LDB2: variants seen among roughly 807,000 people sequenced by gnomAD.
LDB2 encodes the protein LIM domain binding 2.
A neutral mutation model predicts 44.3 loss-of-function variants in LDB2; 12 were observed. That is an observed-to-expected ratio of 0.27 (90% CI 0.17 to 0.44). The LOEUF (loss-of-function observed/expected upper bound fraction) is 0.44, where lower values mean the gene tolerates loss of function less well. Ranked by LOEUF, LDB2 falls within the 20% of genes least tolerant of loss-of-function variation. The pLI is 1.00. For missense variants in LDB2, 344 were observed against 473.5 expected, an observed-to-expected ratio of 0.73 and a Z score of 2.54; for synonymous variants, 164 against 174.8, an observed-to-expected ratio of 0.94 and a Z score of 0.49.
intron 2 of LDB2, among the ~76,000 whole-genome samples, chr4:16,676,035 ACATGAAGGCCTCTACTGGGAGAAGC>A (rs1746235686): frequency 6.6e-6 from 1 of 152,212 alleles, no homozygotes; most frequent in Admixed American, 6.5e-5. Context: ...TTTTATACCC[ACATGAAGGCCTCTACTGGGAGAAGC>A]CAGAGAAAAA....
In LDB2 at chr4:16,502,061, A is replaced by G. The variant is rs1717650141; in HGVS notation, c.*582T>C. 1 of 152,918 alleles carries G rather than the reference A, an allele frequency of 6.5e-6. No homozygotes were observed. Among genetic ancestry groups the G allele is most frequent in the South Asian group, 2.1e-4 (1 of 4,852 alleles). 9.5% of individuals were successfully genotyped at this position (152,918 alleles called of 1,614,324 possible). ...AACCAATTGACATCAGCTCAACCATAAATTACCTTGCTGGGCCCTCTTAGC... is the reference window on the plus strand; with the variant it reads ...AACCAATTGACATCAGCTCAACCATGAATTACCTTGCTGGGCCCTCTTAGC... On this transcript the variant is annotated 3_prime_UTR_variant, in exon 8 of 8. Coordinates refer to ENST00000304523, the MANE Select transcript of LDB2 (RefSeq NM_001290.5).
intron 5 of LDB2, among the ~76,000 whole-genome samples, chr4:16,567,765 G>A (rs534750439): frequency 3.9e-5 from 6 of 152,244 alleles, no homozygotes; most frequent in South Asian, 2.1e-4. Flanking sequence ...GCGAGACAAC[G>A]TCTCAAGAAC....
chr4:16,741,639 C>A (rs500560), intron 2 of LDB2: 2 of 152,050 alleles, frequency 1.3e-5, no homozygotes. Flanking sequence ...TGCAAAAACT[C>A]CAAGATGTAT....
intron 2 of LDB2, among the ~76,000 whole-genome samples, chr4:16,618,234 C>A: frequency 6.6e-6 from 1 of 152,232 alleles, no homozygotes; most frequent in East Asian, 1.9e-4. Context: ...TTCACTGGAC[C>A]GGGATAAGCC....
At chr4:16,525,901 C>T (rs1041026251) in intron 5 of LDB2, among the ~76,000 whole-genome samples, 1 of 152,096 alleles carries the variant, frequency 6.6e-6, no homozygotes, top group African/African-American at 2.4e-5. Flanking sequence ...TCTAATGGTT[C>T]GAAATTGTGA....
At chr4:16,894,155 G>C (rs1724232408) in intron 1 of LDB2, among the ~76,000 whole-genome samples, 1 of 152,112 alleles carries the variant, frequency 6.6e-6, no homozygotes, top group African/African-American at 2.4e-5. Flanking sequence ...CTATCTGACT[G>C]TATTGTGTGT....
intron 5 of LDB2, among the ~76,000 whole-genome samples, chr4:16,545,842 A>G (rs928956957): frequency 6.6e-5 from 10 of 152,300 alleles, no homozygotes; most frequent in Non-Finnish European, 1.2e-4. Context: ...CATTTCTAAC[A>G]TGCCCCTTCT....
chr4:16,705,116 T>C (rs192129846), intron 2 of LDB2, among the ~76,000 whole-genome samples: 106 of 151,090 alleles, frequency 7.0e-4, no homozygotes, highest in Middle Eastern at 3.4e-3. Context: ...CATAATCCTT[T>C]CATAGTTTAC....
chr4:16,654,301 T>C (rs1282646004), intron 2 of LDB2, among the ~76,000 whole-genome samples: 3 of 152,120 alleles, frequency 2.0e-5, no homozygotes, highest in Non-Finnish European at 2.9e-5. Flanking sequence ...TGTCTGTTGA[T>C]TTTTGCAGAA....
intron 2 of LDB2, among the ~76,000 whole-genome samples, chr4:16,618,142 G>T (rs1415286382): frequency 6.6e-6 from 1 of 152,108 alleles, no homozygotes; most frequent in Non-Finnish European, 1.5e-5. Flanking sequence ...TCACACTACA[G>T]TGATCCTCAC....
intron 2 of LDB2, among the ~76,000 whole-genome samples, chr4:16,682,519 C>T (rs527728562): frequency 1.3e-3 from 194 of 152,264 alleles, no homozygotes; most frequent in African/African-American, 4.4e-3. Flanking sequence ...TTGTTAGATA[C>T]CCAGTAAATG....
At chr4:16,825,895 A>T (rs2110008772) in intron 1 of LDB2, among the ~76,000 whole-genome samples, 1 of 152,202 alleles carries the variant, frequency 6.6e-6, no homozygotes, top group Non-Finnish European at 1.5e-5. Flanking sequence ...TAAAGCACCA[A>T]AATATAGTTT....
At chr4:16,529,984 T>C (rs1303415343) in intron 5 of LDB2, among the ~76,000 whole-genome samples, 1 of 152,130 alleles carries the variant, frequency 6.6e-6, no homozygotes, top group Non-Finnish European at 1.5e-5. Context: ...CTGGTCTAAT[T>C]GACAGAAATA....
At chr4:16,508,436 T>C (rs1720417425) in intron 7 of LDB2, 99 bp downstream of exon 7, 2 of 349,522 alleles carry the variant, frequency 5.7e-6, no homozygotes, top group Non-Finnish European at 4.3e-6. Flanking sequence ...CTGCCCAGGA[T>C]TTTTTTTTTT....
chr4:16,567,047 G>C (rs1300165697), intron 5 of LDB2, among the ~76,000 whole-genome samples: 2 of 152,112 alleles, frequency 1.3e-5, no homozygotes, highest in East Asian at 1.9e-4. Flanking sequence ...CTGAAACTTG[G>C]TACAACCACT....
At chr4:16,711,134 C>G (rs1029853515) in intron 2 of LDB2, among the ~76,000 whole-genome samples, 1 of 152,206 alleles carries the variant, frequency 6.6e-6, no homozygotes, top group Non-Finnish European at 1.5e-5. Flanking sequence ...ACCTATAACT[C>G]TGATGTAATA....
intron 2 of LDB2, among the ~76,000 whole-genome samples, chr4:16,688,243 G>A (rs1015131963): frequency 6.6e-6 from 1 of 152,168 alleles, no homozygotes; most frequent in South Asian, 2.1e-4. Context: ...CAGGAACTTG[G>A]AATAAGACAA....
rs1387976060 is a variant in LDB2, at chr4:16,635,684, A to G, written c.236-39809T>C. 4.6e-5 allele frequency among the ~76,000 whole-genome samples: 7 copies of G among 151,208 alleles called. No homozygotes were observed. The East Asian group carries it at 7.7e-4, about 17-fold the overall frequency. ...TGGGGGAGAAGGAAAAGAAAAAAAA[A>G]TAATAAAAATAGATCCCATACCTCT... On this transcript the variant is annotated intron_variant, in intron 2 of 7. Coordinates refer to ENST00000304523, the MANE Select transcript of LDB2 (RefSeq NM_001290.5).
At chr4:16,823,310 G>A (rs56724905) in intron 1 of LDB2, among the ~76,000 whole-genome samples, 12,499 of 152,176 alleles carry the variant, frequency 0.082, 549 homozygotes, top group South Asian at 0.14. Flanking sequence ...TTCTTATCCC[G>A]AGATAAGAAG....
Sources: gnomAD v4.1 joint callset for allele counts (sites outside exome capture counted in the v4.1 genomes callset) on GRCh38, gnomAD v4.1.1 for gene constraint, MANE v1.5 for transcripts, NCBI Gene and HGNC (gene_info 2026-07-23, HGNC 2026-07-21) for gene names.